Variants in LHFPL2 observed in about 807,000 individuals in gnomAD.
The protein encoded by LHFPL2 is LHFPL tetraspan subfamily member 2.
Under a neutral mutation model 17.5 loss-of-function variants are expected in LHFPL2, and 7 were observed. That is an observed-to-expected ratio of 0.40 (90% CI 0.23 to 0.75). The LOEUF (loss-of-function observed/expected upper bound fraction) is 0.75, where lower values mean the gene tolerates loss of function less well. LHFPL2 is among the 30% of genes least tolerant of loss of function. The pLI, the probability that LHFPL2 is intolerant of heterozygous loss-of-function variation, is 0.37. For missense variants in LHFPL2, 241 were observed against 294.8 expected (o/e 0.82, Z 1.34); for synonymous variants, 134 against 116.2 (o/e 1.15, Z -0.99).
chr5:78,514,385 C>G (rs1755228766), intron 3 of LHFPL2, among the ~76,000 whole-genome samples: 1 of 151,350 alleles, frequency 6.6e-6, no homozygotes, highest in African/African-American at 2.4e-5. Flanking sequence ...AAATGAGAAT[C>G]CTGCAGAAAC....
At chr5:78,524,254 C>G (rs184200604) in intron 3 of LHFPL2, among the ~76,000 whole-genome samples, 1 of 152,258 alleles carries the variant, frequency 6.6e-6, no homozygotes, top group African/African-American at 2.4e-5. Flanking sequence ...GTGAGGTTTT[C>G]GGGCACACTC....
At chr5:78,587,651 G>A (rs1743465963) in intron 2 of LHFPL2, among the ~76,000 whole-genome samples, 1 of 152,220 alleles carries the variant, frequency 6.6e-6, no homozygotes, top group African/African-American at 2.4e-5. Flanking sequence ...TCTGTAACTG[G>A]ATCCCCAGCT....
intron 4 of LHFPL2, among the ~76,000 whole-genome samples, chr5:78,502,691 C>G (rs1244515933): frequency 1.6e-5 from 2 of 122,320 alleles, no homozygotes; most frequent in Non-Finnish European, 3.4e-5. Context: ...AGGTAAAAGG[C>G]ACTTTTAAAA....
At chr5:78,520,580 C>T (rs1354364556) in intron 3 of LHFPL2, among the ~76,000 whole-genome samples, 1 of 152,210 alleles carries the variant, frequency 6.6e-6, no homozygotes, top group Non-Finnish European at 1.5e-5. Flanking sequence ...ACGGGGAGAC[C>T]CCACAGGTTA....
intron 2 of LHFPL2, among the ~76,000 whole-genome samples, chr5:78,566,519 A>C (rs1756864232): frequency 6.6e-6 from 1 of 152,018 alleles, no homozygotes; most frequent in East Asian, 1.9e-4. Context: ...GCTGAAGTAC[A>C]ATGGCACGAT....
At chr5:78,506,088 C>T (rs1454035198) in intron 4 of LHFPL2, among the ~76,000 whole-genome samples, 1 of 152,248 alleles carries the variant, frequency 6.6e-6, no homozygotes, top group African/African-American at 2.4e-5. Context: ...TCTGGATTCA[C>T]ATAACAGGCA....
chr5:78,634,114 T>TC (rs763657146), intron 1 of LHFPL2, among the ~76,000 whole-genome samples: 1 of 151,976 alleles, frequency 6.6e-6, no homozygotes, highest in Non-Finnish European at 1.5e-5. Context: ...AGATTACCCC[T>TC]CCCCCCAAAA....
intron 2 of LHFPL2, among the ~76,000 whole-genome samples, chr5:78,611,137 T>C (rs1744410534): frequency 6.6e-6 from 1 of 152,148 alleles, no homozygotes. Flanking sequence ...CAAAACATGA[T>C]ATAAGTGTCC....
At chr5:78,516,848 C>T (rs1191868803) in intron 3 of LHFPL2, among the ~76,000 whole-genome samples, 1 of 152,204 alleles carries the variant, frequency 6.6e-6, no homozygotes, top group Non-Finnish European at 1.5e-5. Context: ...TGGGTGGTCT[C>T]TGCATCACAC....
chr5:78,542,312 A>G (rs947484914), intron 3 of LHFPL2, among the ~76,000 whole-genome samples: 2 of 152,152 alleles, frequency 1.3e-5, no homozygotes, highest in African/African-American at 4.8e-5. Flanking sequence ...CCAGTAGGCC[A>G]ATCAAAGAAG....
intron 1 of LHFPL2, among the ~76,000 whole-genome samples, chr5:78,645,356 C>G (rs1334698075): frequency 6.6e-6 from 1 of 151,642 alleles, no homozygotes; most frequent in East Asian, 1.9e-4. Flanking sequence ...GGAGTGGCTC[C>G]CTAGGTATTT....
intron 1 of LHFPL2, chr5:78,641,914 C>T (rs1324505414): frequency 8.1e-6 from 1 of 122,942 alleles, no homozygotes; most frequent in Non-Finnish European, 1.7e-5. Context: ...TATACACACA[C>T]ACACACACAC....
Position 78,612,414 on chromosome 5 carries a change from T to G in LHFPL2, c.-245+19850A>C, listed in dbSNP as rs918759287. On this transcript the variant is annotated intron_variant, in intron 2 of 4. Transcript: ENST00000380345. ...TCATTCCTCCAGAACTCTGAAAATA[T>G]GACTACTATTTATCCACAGCCTTCC... Among the ~76,000 whole-genome samples the G allele has an allele frequency of 2.6e-5, 4 of 152,340 alleles. No individual in the cohort carries two copies. In the East Asian group the frequency reaches 7.7e-4, roughly 29 times the overall value.
intron 2 of LHFPL2, among the ~76,000 whole-genome samples, chr5:78,573,956 C>T (rs187309126): frequency 8.8e-4 from 134 of 152,210 alleles, no homozygotes; most frequent in African/African-American, 3.1e-3. Context: ...TAACTAAGAT[C>T]GTTTACTTCA....
intron 2 of LHFPL2, among the ~76,000 whole-genome samples, chr5:78,582,441 C>G (rs1403634528): frequency 6.6e-6 from 1 of 150,712 alleles, no homozygotes; most frequent in African/African-American, 2.4e-5. Context: ...AAATTTCCCT[C>G]TACACACTGC....
At chr5:78,601,090 A>G (rs1218306566) in intron 2 of LHFPL2, among the ~76,000 whole-genome samples, 2 of 152,230 alleles carry the variant, frequency 1.3e-5, no homozygotes, top group African/African-American at 2.4e-5. Context: ...ACTCAAGTCC[A>G]AAAGATCAAG....
At chr5:78,628,112 T>G (rs939459702) in intron 2 of LHFPL2, among the ~76,000 whole-genome samples, 2 of 152,096 alleles carry the variant, frequency 1.3e-5, no homozygotes, top group African/African-American at 4.8e-5. Flanking sequence ...ACACTGGATA[T>G]CGAGCTCTCG....
chr5:78,561,454 T>C (rs1756724236), intron 3 of LHFPL2, among the ~76,000 whole-genome samples: 1 of 152,190 alleles, frequency 6.6e-6, no homozygotes, highest in Non-Finnish European at 1.5e-5. Context: ...CCCAGTTCAC[T>C]TGTGAAGAGA....
rs539139000 is a variant in LHFPL2 at position 78,622,391 on chromosome 5, C to A, written c.-245+9873G>T. 5.8e-4 allele frequency among the ~76,000 whole-genome samples: 89 copies of A among 152,236 alleles called. 1 individual carries two copies. The highest frequency in any genetic ancestry group is 1.7e-3 in the Admixed American group (26 of 15,284). ...CAGGTATGCCTTACATAGGTTCCCTCATTTAATCCTCCCAACAATTTTATG... is the reference window on the plus strand; with the variant it reads ...CAGGTATGCCTTACATAGGTTCCCTAATTTAATCCTCCCAACAATTTTATG... On this transcript the variant is annotated intron_variant, in intron 2 of 4. Coordinates refer to ENST00000380345, the MANE Select transcript of LHFPL2 (RefSeq NM_005779.3).
Sources: allele counts gnomAD v4.1 joint callset (sites outside exome capture counted in the v4.1 genomes callset), GRCh38; gene constraint gnomAD v4.1.1; transcripts MANE v1.5; gene names NCBI Gene and HGNC (gene_info 2026-07-23, HGNC 2026-07-21).